ALKBH3: variants seen among roughly 807,000 people sequenced by gnomAD.
ALKBH3 encodes alpha-ketoglutarate-dependent dioxygenase alkB homolog 3.
In ALKBH3, 51 loss-of-function variants were observed where a neutral mutation model predicts 43.9. The ratio of observed to expected loss-of-function variants is 1.16; its 90% confidence interval spans 0.93 to 1.47. The LOEUF (loss-of-function observed/expected upper bound fraction) is 1.47, where lower values mean the gene tolerates loss of function less well. Ranked by LOEUF, ALKBH3 falls within the 40% of genes most tolerant of loss-of-function variation. The pLI, the probability that ALKBH3 is intolerant of heterozygous loss-of-function variation, is 0.00. For missense variants in ALKBH3, 361 were observed against 351.9 expected, an observed-to-expected ratio of 1.03 and a Z score of -0.21; for synonymous variants, 102 against 115.2, an observed-to-expected ratio of 0.89 and a Z score of 0.73.
At chr11:43,908,173 G>A (rs1425022739) in intron 8 of ALKBH3, among the ~76,000 whole-genome samples, 1 of 152,224 alleles carries the variant, frequency 6.6e-6, no homozygotes, top group Non-Finnish European at 1.5e-5. Flanking sequence ...GGGTTTCAGG[G>A]AATTTGCAGT....
At chr11:43,903,053 G>A (rs1951873769) in intron 8 of ALKBH3, among the ~76,000 whole-genome samples, 1 of 152,192 alleles carries the variant, frequency 6.6e-6, no homozygotes, top group Admixed American at 6.5e-5. Flanking sequence ...AAAGCATATT[G>A]TGTGATTTTG....
intron 5 of ALKBH3, among the ~76,000 whole-genome samples, chr11:43,889,027 C>A (rs1951765032): frequency 6.7e-6 from 1 of 150,074 alleles, no homozygotes; most frequent in African/African-American, 2.4e-5. Flanking sequence ...ATTAGTTATT[C>A]TTTTTTTTTT....
chr11:43,889,537 G>T (rs1951768969), intron 5 of ALKBH3, among the ~76,000 whole-genome samples, 188 bp from the exon 6 acceptor site: 1 of 152,162 alleles, frequency 6.6e-6, no homozygotes, highest in African/African-American at 2.4e-5. Flanking sequence ...CAACATGAAA[G>T]GAGTTTATTT....
intron 7 of ALKBH3, chr11:43,898,034 C>A (rs999847148): frequency 1.3e-5 from 12 of 907,320 alleles, no homozygotes; most frequent in Non-Finnish European, 2.2e-5. Flanking sequence ...AAACAAGCAG[C>A]GTCCATGGCT....
Position 43,882,658 on chromosome 11 carries a change from G to T in ALKBH3, c.6G>T (p.Glu2Asp). The T allele has an allele frequency of 3.7e-6, 6 of 1,613,072 alleles. No homozygotes were observed. The highest frequency in any genetic ancestry group is 5.1e-6 in the Non-Finnish European group (6 of 1,179,718). The change falls in exon 2 of 10, where the codon GAG (glutamate) becomes GAT (aspartate). Residue 2 changes from glutamate to aspartate, a missense_variant. By Grantham distance (45) the Glu-to-Asp change is conservative. Transcript: ENST00000302708. Reference protein sequence around the residue: MEEKRRRARVQG... With the variant: MDEKRRRARVQG... Reference sequence around the variant, plus strand: ...CAGAAGCCTTTTTGGTCAACATGGAGGAAAAAAGACGGCGAGCCCGAGTTC... The same window carrying T: ...CAGAAGCCTTTTTGGTCAACATGGATGAAAAAAGACGGCGAGCCCGAGTTC...
At position 43,892,075 on chromosome 11, in the gene ALKBH3, G is replaced by A. The variant is rs772144965; in HGVS notation, c.405G>A (p.Trp135Ter). 101 of 1,613,524 alleles carry A rather than the reference G, an allele frequency of 6.3e-5. No individual in the cohort carries two copies. Among genetic ancestry groups the A allele is most frequent in the Non-Finnish European group, 8.3e-5 (98 of 1,179,614 alleles). ...ATCAGCAACCAAGACTTACAGCATG[G>A]TATGGAGAACTTCCTTACACTTATT... is the stretch of plus-strand genomic sequence containing the variant. ...ITYQQPRLTA[W>*]YGELPYTYSR... The change falls in exon 7 of 10, where the codon TGG becomes TGA. Residue 135 changes from tryptophan (W) to a stop codon, truncating the protein, a stop_gained. Coordinates refer to ENST00000302708, the MANE Select transcript of ALKBH3 (RefSeq NM_139178.4). LOFTEE classifies it high-confidence loss of function.
intron 7 of ALKBH3, chr11:43,898,627 G>A: frequency 1.4e-6 from 1 of 735,688 alleles, no homozygotes. Context: ...GGACTTGGAA[G>A]GGGTGAACAT....
chr11:43,899,509 T>G (rs1478627995), intron 7 of ALKBH3: 1 of 697,806 alleles, frequency 1.4e-6, no homozygotes, highest in Non-Finnish European at 2.7e-6. Context: ...CCCAGTTGAG[T>G]GCACCACCAC....
rs1267009684 is a variant in ALKBH3, at chr11:43,897,473, G to A, written c.460-4043G>A. The A allele has an allele frequency of 2.3e-5, 17 of 743,346 alleles. No individual in the cohort carries two copies. The Admixed American group carries it at 3.0e-4, about 13-fold the overall frequency. The allele number at this position is 743,346 out of a possible 1,614,324, so 46.0% of individuals were successfully genotyped here. On this transcript the variant is annotated intron_variant, in intron 7 of 9. Transcript: ENST00000302708. ...TTACAATCATGGTGCAAAAATACCA[G>A]TCACCAGTGAGGGTATACAAATACC...
At chr11:43,882,184 C>T (rs1951716229) in intron 1 of ALKBH3, among the ~76,000 whole-genome samples, 1 of 152,174 alleles carries the variant, frequency 6.6e-6, no homozygotes, top group Non-Finnish European at 1.5e-5. Flanking sequence ...AAGTTTGATG[C>T]AGCCAGTGAT....
At chr11:43,903,239 C>G (rs891934454) in intron 8 of ALKBH3, among the ~76,000 whole-genome samples, 6 of 152,130 alleles carry the variant, frequency 3.9e-5, no homozygotes, top group Admixed American at 3.9e-4. Flanking sequence ...TCTCATATAC[C>G]AAGGAGTACC....
At chr11:43,899,646 C>G in intron 7 of ALKBH3, 1 of 469,104 alleles carries the variant, frequency 2.1e-6, no homozygotes, top group South Asian at 2.1e-5. Context: ...CGAGCAGAGA[C>G]ATTGTATGGA....
At chr11:43,890,943 C>T (rs1022914236) in intron 6 of ALKBH3, among the ~76,000 whole-genome samples, 11 of 152,178 alleles carry the variant, frequency 7.2e-5, no homozygotes, top group Non-Finnish European at 2.9e-5. Context: ...ATCTCTAGAT[C>T]ACTTATAATA....
At chr11:43,882,549 T>G in intron 1 of ALKBH3, 34 bp from the exon 2 acceptor site, 1 of 1,052,154 alleles carries the variant, frequency 9.5e-7, no homozygotes, top group Non-Finnish European at 1.4e-6. Flanking sequence ...CAATCCTAAC[T>G]AAAAGCACTG....
chr11:43,892,157 GT>G (rs780894901), intron 7 of ALKBH3, 28 bp downstream of exon 7: 12 of 1,546,836 alleles, frequency 7.8e-6, no homozygotes, highest in Non-Finnish European at 1.1e-5. Flanking sequence ...CATTGGTATG[GT>G]TTTATAGACT....
intron 8 of ALKBH3, among the ~76,000 whole-genome samples, chr11:43,914,809 A>G (rs1951969823): frequency 6.6e-6 from 1 of 152,202 alleles, no homozygotes; most frequent in Non-Finnish European, 1.5e-5. Context: ...GTAGATCAAT[A>G]AGAAAACAGT....
chr11:43,916,833 T>C (rs1951987058), intron 8 of ALKBH3: 1 of 152,242 alleles, frequency 6.6e-6, no homozygotes. Context: ...CTATGGTCTG[T>C]TGCCACTCTG....
intron 4 of ALKBH3, among the ~76,000 whole-genome samples, chr11:43,886,329 G>C (rs890553970): frequency 1.3e-5 from 2 of 152,108 alleles, no homozygotes; most frequent in African/African-American, 4.8e-5. Context: ...GACCATATCT[G>C]CCTCAATTAT....
intron 7 of ALKBH3, chr11:43,898,431 C>G (rs751224225): frequency 3.9e-4 from 290 of 750,430 alleles, no homozygotes; most frequent in Non-Finnish European, 6.0e-4. Context: ...GGCATCATCA[C>G]GACAAAGATG....
Sources: gnomAD v4.1 joint callset for allele counts (sites outside exome capture counted in the v4.1 genomes callset) on GRCh38, gnomAD v4.1.1 for gene constraint, MANE v1.5 for transcripts, NCBI Gene and HGNC (gene_info 2026-07-23, HGNC 2026-07-21) for gene names.